The following VCAN variants were observed in gnomAD, a reference collection of about 807,000 sequenced individuals.
The protein encoded by VCAN is versican core protein.
In VCAN, 44 loss-of-function variants were observed where a neutral mutation model predicts 245.5. The observed-to-expected ratio is 0.18, with a 90% CI of 0.14 to 0.23. The LOEUF (loss-of-function observed/expected upper bound fraction) is 0.23. VCAN is among the 10% of genes least tolerant of loss of function. The pLI is 1.00. For missense variants in VCAN, 3,793 were observed against 4,057.9 expected (o/e 0.93, Z 1.77); for synonymous variants, 1,413 against 1,437.0 (o/e 0.98, Z 0.38).
chr5:83,511,575 T>A (rs1745660023), intron 5 of VCAN, among the ~76,000 whole-genome samples: 1 of 151,900 alleles, frequency 6.6e-6, no homozygotes, highest in Admixed American at 6.6e-5. Context: ...TTCTTATTTT[T>A]TTTTTTTTTT....
chr5:83,500,222 A>T (rs755541723), intron 5 of VCAN, among the ~76,000 whole-genome samples: 13 of 152,222 alleles, frequency 8.5e-5, no homozygotes, highest in Non-Finnish European at 1.9e-4. Flanking sequence ...GCCGATGGTT[A>T]AAGTAGTGAT....
Position 83,487,866 on chromosome 5 carries a change from A to G in VCAN, c.71-2232A>G, listed in dbSNP as rs1015491397. 4.6e-5 allele frequency among the ~76,000 whole-genome samples: 7 copies of G among 152,300 alleles called. No individual in the cohort carries two copies. The East Asian group carries it at 1.2e-3, about 25-fold the overall frequency. On this transcript the variant is annotated intron_variant, in intron 2 of 14. Coordinates refer to ENST00000265077, the MANE Select transcript of VCAN (RefSeq NM_004385.5). ...GGTTGAATCTCATGTCTGTCCCTAT[A>G]TACTTCAAATTGTGAAGAGAAATAT... is the stretch of plus-strand genomic sequence containing the variant.
At chr5:83,552,148 C>A (rs896255637) in intron 10 of VCAN, among the ~76,000 whole-genome samples, 1 of 152,180 alleles carries the variant, frequency 6.6e-6, no homozygotes, top group Non-Finnish European at 1.5e-5. Flanking sequence ...GAAATGAAAT[C>A]TTTCAGAATT....
chr5:83,544,455 T>C (rs1747125700), intron 8 of VCAN, among the ~76,000 whole-genome samples: 1 of 152,220 alleles, frequency 6.6e-6, no homozygotes, highest in Non-Finnish European at 1.5e-5. Context: ...GTACCTTGTT[T>C]ATCCTGATAT....
At chr5:83,481,724 G>C (rs1744622101) in intron 1 of VCAN, among the ~76,000 whole-genome samples, 1 of 152,090 alleles carries the variant, frequency 6.6e-6, no homozygotes, top group South Asian at 2.1e-4. Flanking sequence ...CTTAAAAAAT[G>C]CTCTTCAGAG....
At position 83,512,078 on chromosome 5, in the gene VCAN, T is replaced by G. The variant is rs760850775; in HGVS notation, c.749-25T>G. 24 of 1,612,584 alleles carry G rather than the reference T, an allele frequency of 1.5e-5. No individual in the cohort carries two copies. In the East Asian group the frequency reaches 5.1e-4, roughly 34 times the overall value. ...AGGAATGAATAATAAAACTTTGGGC[T>G]TTTTTTCCCTTCTTTTTTTTCCAGG... On this transcript the variant is annotated intron_variant, in intron 5 of 14. Coordinates refer to ENST00000265077, the MANE Select transcript of VCAN (RefSeq NM_004385.5).
At chr5:83,572,687 G>A (rs1046128829) in intron 13 of VCAN, 127 bp downstream of exon 13, 35 of 1,239,978 alleles carry the variant, frequency 2.8e-5, no homozygotes, top group Non-Finnish European at 3.9e-5. Context: ...GTCATCTCTC[G>A]TTGCTCTGGA....
intron 7 of VCAN, among the ~76,000 whole-genome samples, chr5:83,531,940 C>T (rs1296492803): frequency 2.6e-5 from 4 of 152,186 alleles, no homozygotes; most frequent in Middle Eastern, 6.8e-3. Context: ...ATTATGCATA[C>T]ACCCTGTAGA....
chr5:83,474,980 T>C (rs1029266355), intron 1 of VCAN, among the ~76,000 whole-genome samples: 2 of 152,208 alleles, frequency 1.3e-5, no homozygotes, highest in Admixed American at 6.5e-5. Flanking sequence ...AATGAGACTT[T>C]ATACCGTATT....
At chr5:83,492,577 C>A (rs1358961169) in intron 3 of VCAN, among the ~76,000 whole-genome samples, 3 of 152,172 alleles carry the variant, frequency 2.0e-5, no homozygotes, top group Non-Finnish European at 2.9e-5. Context: ...GCTCCACCCC[C>A]TTGCTTGCTC....
At chr5:83,535,574 T>A (rs534450640) in intron 7 of VCAN, 1 of 152,282 alleles carries the variant, frequency 6.6e-6, no homozygotes, top group Admixed American at 6.5e-5. Context: ...GATTAGAATA[T>A]AAGCAACACT....
At chr5:83,534,342 T>C (rs1024106169) in intron 7 of VCAN, among the ~76,000 whole-genome samples, 1 of 152,096 alleles carries the variant, frequency 6.6e-6, no homozygotes, top group Non-Finnish European at 1.5e-5. Context: ...GATATTTCCT[T>C]ATTTATCCTT....
rs1177661998 is a variant in VCAN, at chr5:83,537,989, A to G, written c.4986A>G (p.Arg1662=). 1 of 1,613,880 alleles carries G rather than the reference A, an allele frequency of 6.2e-7. No homozygotes were observed. Among genetic ancestry groups the G allele is most frequent in the African/African-American group, 1.3e-5 (1 of 74,910 alleles). The change falls in exon 8 of 15, where the codon AGA becomes AGG. Residue 1662 remains arginine, a synonymous_variant. Transcript: ENST00000265077. ...MFTMVTDLSQ[R]NTTDTLITLD... The stretch of plus-strand genomic sequence containing the variant: ...CCATGGTAACTGATTTATCACAGAG[A>G]AATACTACTGATACACTCATTACTT...
At chr5:83,568,421 A>G (rs2112493779) in intron 12 of VCAN, among the ~76,000 whole-genome samples, 1 of 152,338 alleles carries the variant, frequency 6.6e-6, no homozygotes, top group South Asian at 2.1e-4. Flanking sequence ...AAGCAACAAC[A>G]GGAACACTCA....
At chr5:83,553,566 A>G in intron 11 of VCAN, 44 bp downstream of exon 11, 1 of 1,612,520 alleles carries the variant, frequency 6.2e-7, no homozygotes, top group Non-Finnish European at 8.5e-7. Context: ...TTCACTTCTC[A>G]TCACTCTCTT....
At chr5:83,556,302 G>A (rs1293594687) in intron 12 of VCAN, among the ~76,000 whole-genome samples, 2 of 152,170 alleles carry the variant, frequency 1.3e-5, no homozygotes, top group African/African-American at 4.8e-5. Flanking sequence ...TTGAACTTAG[G>A]CTTGTCTCCA....
intron 11 of VCAN, among the ~76,000 whole-genome samples, 197 bp from the exon 12 acceptor site, chr5:83,554,759 C>T (rs1306905070): frequency 6.6e-6 from 1 of 152,088 alleles, no homozygotes; most frequent in African/African-American, 2.4e-5. Context: ...ACAGGGTTTG[C>T]ACATTAACCT....
intron 5 of VCAN, among the ~76,000 whole-genome samples, chr5:83,509,725 T>C (rs1384150746): frequency 1.3e-5 from 2 of 152,202 alleles, no homozygotes; most frequent in Non-Finnish European, 2.9e-5. Flanking sequence ...CACGCTGCCT[T>C]CTTTACACTT....
chr5:83,489,596 C>T (rs1460336857), intron 2 of VCAN, among the ~76,000 whole-genome samples: 1 of 152,134 alleles, frequency 6.6e-6, no homozygotes, highest in Non-Finnish European at 1.5e-5. Context: ...TCCTATGAAG[C>T]ACTTTTTTAT....
Sources: allele counts gnomAD v4.1 joint callset (sites outside exome capture counted in the v4.1 genomes callset), GRCh38; gene constraint gnomAD v4.1.1; transcripts MANE v1.5; gene names NCBI Gene and HGNC (gene_info 2026-07-23, HGNC 2026-07-21).